SETD1B: variants seen among roughly 807,000 people sequenced by gnomAD.
The protein encoded by SETD1B is histone-lysine N-methyltransferase SETD1B.
A neutral mutation model predicts 148.0 loss-of-function variants in SETD1B; 7 were observed. The ratio of observed to expected loss-of-function variants is 0.05; its 90% confidence interval spans 0.03 to 0.09. The LOEUF is 0.09. Among genes scored for constraint, SETD1B ranks in the 10% least tolerant of loss-of-function variants. The pLI, the probability that SETD1B is intolerant of heterozygous loss-of-function variation, is 1.00. For missense variants in SETD1B, 2,155 were observed against 2,729.9 expected (o/e 0.79, Z 4.69); for synonymous variants, 1,361 against 1,186.5 (o/e 1.15, Z -3.02).
At position 121,817,722 on chromosome 12, in the gene SETD1B, A is replaced by G; in HGVS notation, c.3312+18A>G. The G allele has an allele frequency of 1.3e-6, 2 of 1,539,762 alleles. No homozygotes were observed. Among genetic ancestry groups the G allele is most frequent in the Non-Finnish European group, 1.8e-6 (2 of 1,138,274 alleles). On this transcript the variant is annotated intron_variant, in intron 9 of 16. Transcript: ENST00000604567. The surrounding 1 kb of genome is among the most constrained non-coding windows in gnomAD (Gnocchi z 8.1). Reference sequence around the variant, plus strand: ...CAGATAAGGTGCCTAGCAGGCCAGGAAGCCTCAGGGGGCCGGGCCAGGCGA... The same window carrying G: ...CAGATAAGGTGCCTAGCAGGCCAGGGAGCCTCAGGGGGCCGGGCCAGGCGA...
chr12:121,814,614 C>T lies in SETD1B; in HGVS notation c.2399C>T (p.Ala800Val), dbSNP rs1270781860. 3.9e-6 allele frequency: 6 copies of T among 1,543,232 alleles called. No individual in the cohort carries two copies. In the East Asian group the frequency reaches 1.5e-4, roughly 38 times the overall value. Residue 800 changes from alanine to valine, a missense_variant, in exon 7 of 17, where the codon GCT becomes GTT. Ala to Val is a moderately conservative substitution (Grantham distance 64). This residue lies in a region of SETD1B where 289 missense variants were observed against 423.7 expected (regional missense o/e 0.68). Transcript: ENST00000604567. ...GACPYPPFMA[A>V]AAAAASAGLQ... ...TGCCCCTACCCGCCCTTCATGGCCG[C>T]TGCGGCCGCCGCTGCCTCAGCTGGG... is the stretch of plus-strand genomic sequence containing the variant.
intron 4 of SETD1B, 24 bp downstream of exon 4, chr12:121,806,129 T>TGG: frequency 6.5e-7 from 1 of 1,545,274 alleles, no homozygotes; most frequent in Non-Finnish European, 8.8e-7. Flanking sequence ...GGGAGGAGCG[T>TGG]GGGGAGACCT....
Position 121,804,184 on chromosome 12 carries a change from G to T in SETD1B, c.-64G>T, listed in dbSNP as rs1875576891. The T allele has an allele frequency of 1.3e-5, 2 of 149,126 alleles. No individual in the cohort carries two copies. Among genetic ancestry groups the T allele is most frequent in the African/African-American group, 2.4e-5 (1 of 40,938 alleles). 9.2% of individuals were successfully genotyped at this position (149,126 alleles called of 1,614,324 possible). On this transcript the variant is annotated 5_prime_UTR_variant, in exon 1 of 17. Coordinates refer to ENST00000604567, the MANE Select transcript of SETD1B (RefSeq NM_001353345.2). This position sits in a 1 kb window ranked among gnomAD's most constrained non-coding sequence, Gnocchi z 4.6. The stretch of plus-strand genomic sequence containing the variant: ...CGCCCCGGCCTCGGCTCCCTCGGGG[G>T]ACACCATGTACTGGCTGGCGGCGCA...
chr12:121,804,751 A>AC lies in SETD1B; in HGVS notation c.22dup (p.His8ProfsTer30), dbSNP rs777278685. The AC allele has an allele frequency of 5.6e-5, 85 of 1,527,204 alleles. No homozygotes were observed. Among genetic ancestry groups the AC allele is most frequent in the Admixed American group, 6.1e-5 (3 of 49,060 alleles). 94.6% of individuals were successfully genotyped at this position (1,527,204 alleles called of 1,614,324 possible). On this transcript the variant is annotated frameshift_variant, in exon 2 of 17. Transcript: ENST00000604567. LOFTEE classifies it high-confidence loss of function. This position sits in a 1 kb window ranked among gnomAD's most constrained non-coding sequence, Gnocchi z 4.6. The stretch of plus-strand genomic sequence containing the variant: ...TGGGTTAACGGCATGGAGAACAGTC[A>AC]CCCCCCCCACCACCACCACCAGCAG...
At chr12:121,797,431 G>A in the SETD1B span, 6 of 456,100 alleles carry the variant, frequency 1.3e-5, no homozygotes, top group Admixed American at 4.7e-5. Context: ...AGCAGCAGGA[G>A]GACAAACTGC....
the SETD1B span, chr12:121,793,112 G>A: frequency 1.3e-5 from 20 of 1,515,752 alleles, no homozygotes; most frequent in African/African-American, 1.1e-4. Context: ...CCCTTCGGGC[G>A]GGCGGACCCT....
In SETD1B at chr12:121,817,593, GGAGGAGGAACAGGAGAGCACC is replaced by G; in HGVS notation, c.3211_3231del (p.Gln1071_Glu1077del). The G allele has an allele frequency of 6.4e-7, 1 of 1,550,744 alleles. No individual in the cohort carries two copies. Among genetic ancestry groups the G allele is most frequent in the Non-Finnish European group, 8.7e-7 (1 of 1,146,374 alleles). ...CACCCTCGTCCTCGGCCTCCGACAAGGAGGAGGAACAGGAGAGCACCGAGGAGGAAGAGGAGGCGGAGGAGG... is the reference window on the plus strand; with the variant it reads ...CACCCTCGTCCTCGGCCTCCGACAAGGAGGAGGAAGAGGAGGCGGAGGAGG... On this transcript the variant is annotated inframe_deletion, in exon 9 of 17. Transcript: ENST00000604567. This position sits in a 1 kb window ranked among gnomAD's most constrained non-coding sequence, Gnocchi z 8.1.
At chr12:121,799,339 G>A (rs1875179562), upstream of SETD1B, 1 of 152,262 alleles carries the variant, frequency 6.6e-6, no homozygotes, top group Non-Finnish European at 1.5e-5. Context: ...ATCCCAGGAA[G>A]GTGGAGAAGC....
chr12:121,817,970 G>A lies in SETD1B; in HGVS notation c.3418+66G>A. 1 of 1,424,740 alleles carries A rather than the reference G, an allele frequency of 7.0e-7. No individual in the cohort carries two copies. 88.3% of individuals were successfully genotyped at this position (1,424,740 alleles called of 1,614,324 possible). On this transcript the variant is annotated intron_variant, in intron 10 of 16. Coordinates refer to ENST00000604567, the MANE Select transcript of SETD1B (RefSeq NM_001353345.2). This position sits in a 1 kb window ranked among gnomAD's most constrained non-coding sequence, Gnocchi z 8.1. ...CCTCTTTCCCCGGGGCAGAGCCTGA[G>A]CAATTGTCAGAAATACTTCTGAGCC...
chr12:121,796,894 C>T, the SETD1B span, among the ~76,000 whole-genome samples: 85 of 152,202 alleles, frequency 5.6e-4, 1 homozygote, highest in South Asian at 0.012. Context: ...CAAAATTATC[C>T]GGGCGTGGTG....
the SETD1B span, chr12:121,797,707 G>T: frequency 2.4e-6 from 1 of 423,052 alleles, no homozygotes; most frequent in African/African-American, 2.0e-5. Flanking sequence ...GACCCCACCC[G>T]GAGAGCAACG....
intron 13 of SETD1B, among the ~76,000 whole-genome samples, chr12:121,826,421 C>G (rs939546324): frequency 1.7e-4 from 26 of 152,208 alleles, no homozygotes; most frequent in African/African-American, 5.8e-4. Flanking sequence ...AAAGCGACTT[C>G]CATAAAAAGT....
chr12:121,802,072 G>C (rs145895364), upstream of SETD1B: 3 of 151,910 alleles, frequency 2.0e-5, no homozygotes, highest in African/African-American at 7.2e-5. Context: ...CCAAAGACGA[G>C]AAAAACAGGG....
In SETD1B at chr12:121,823,212, C is replaced by G; in HGVS notation, c.4633C>G (p.Leu1545Val). 1 of 1,549,412 alleles carries G rather than the reference C, an allele frequency of 6.5e-7. No individual in the cohort carries two copies. The highest frequency in any genetic ancestry group is 8.7e-7 in the Non-Finnish European group (1 of 1,146,836). Residue 1545 changes from leucine to valine, a missense_variant, in exon 12 of 17, where the codon CTT (leucine) becomes GTT (valine). Physicochemically the swap from Leu to Val is conservative, Grantham distance 32 (BLOSUM62 1). Coordinates refer to ENST00000604567, the MANE Select transcript of SETD1B (RefSeq NM_001353345.2). The part of the protein sequence containing the change: ...PLVRPPAGAA[L>V]GRELLLLPGQ... ...GGTCCGACCACCAGCAGGGGCCGCC[C>G]TTGGAAGGGAACTCCTGCTCCTGCC...
At position 121,823,061 on chromosome 12, in the gene SETD1B, T is replaced by G. The variant is rs1243073774; in HGVS notation, c.4482T>G (p.Ala1494=). The change falls in exon 12 of 17, where the codon GCT becomes GCG. Residue 1494 remains alanine, a synonymous_variant. Coordinates refer to ENST00000604567, the MANE Select transcript of SETD1B (RefSeq NM_001353345.2). ...LALPAVLRAQ[A]RAPTPLPPLL... ...TGCCCGCCGTCTTGCGGGCCCAGGC[T>G]CGTGCGCCCACCCCGCTGCCACCCC... The G allele has an allele frequency of 2.0e-6, 3 of 1,507,456 alleles. No individual in the cohort carries two copies. The Admixed American group carries it at 6.1e-5, about 31-fold the overall frequency. The allele number at this position is 1,507,456 out of a possible 1,614,324, so 93.4% of individuals were successfully genotyped here.
Position 121,805,010 on chromosome 12 carries a change from T to G in SETD1B, c.174+99T>G, listed in dbSNP as rs1875655606. The stretch of plus-strand genomic sequence containing the variant: ...CCCCGCCCGATCCCCCGGCCAACTG[T>G]CAGACGGGGCCCCAGCCCTGGAGTT... On this transcript the variant is annotated intron_variant, in intron 2 of 16. Coordinates refer to ENST00000604567, the MANE Select transcript of SETD1B (RefSeq NM_001353345.2). This position sits in a 1 kb window ranked among gnomAD's most constrained non-coding sequence, Gnocchi z 4.2. 1.4e-6 allele frequency: 2 copies of G among 1,461,930 alleles called. No individual in the cohort carries two copies. The highest frequency in any genetic ancestry group is 5.0e-5 in the East Asian group (2 of 40,082). 90.6% of individuals were successfully genotyped at this position (1,461,930 alleles called of 1,614,324 possible). A position where few individuals can be genotyped will look rare whatever the true frequency, so the allele number is the denominator to read the frequency against.
Position 121,805,722 on chromosome 12 carries a change from A to G in SETD1B, c.274-113A>G. The G allele has an allele frequency of 1.1e-6, 1 of 871,034 alleles. No individual in the cohort carries two copies. The highest frequency in any genetic ancestry group is 4.0e-4 in the Middle Eastern group (1 of 2,498). The allele number at this position is 871,034 out of a possible 1,614,324, so 54.0% of individuals were successfully genotyped here. On this transcript the variant is annotated intron_variant, in intron 3 of 16. Transcript: ENST00000604567. This position sits in a 1 kb window ranked among gnomAD's most constrained non-coding sequence, Gnocchi z 4.2. ...TTTTTTTTTAATTTTTAGTTTTTTTACCCTTTATTGTTTTCAACGGGTGGG... is the reference window on the plus strand; with the variant it reads ...TTTTTTTTTAATTTTTAGTTTTTTTGCCCTTTATTGTTTTCAACGGGTGGG...
chr12:121,798,443 TC>T, the SETD1B span, among the ~76,000 whole-genome samples: 2 of 151,960 alleles, frequency 1.3e-5, no homozygotes, highest in Non-Finnish European at 2.9e-5. Context: ...CTGCAGCCAC[TC>T]CCAGCAATAA....
At chr12:121,811,734 C>T (rs1198356783) in intron 6 of SETD1B, among the ~76,000 whole-genome samples, 2 of 152,148 alleles carry the variant, frequency 1.3e-5, no homozygotes, top group Non-Finnish European at 2.9e-5. Flanking sequence ...AGGAGGACTG[C>T]CCCCTTCTTG....
Sources: allele counts gnomAD v4.1 joint callset (sites outside exome capture counted in the v4.1 genomes callset), GRCh38; gene constraint gnomAD v4.1.1; regional missense constraint gnomAD v4.1.1; non-coding constraint Gnocchi (gnomAD v3.1); transcripts MANE v1.5; gene names NCBI Gene and HGNC (gene_info 2026-07-23, HGNC 2026-07-21).